Variants in CSTPP1 observed in about 807,000 individuals in gnomAD.
CSTPP1 encodes the protein UPF0705 protein C11orf49.
chr11:47,013,875 T>C, the CSTPP1 span, among the ~76,000 whole-genome samples: 2 of 152,228 alleles, frequency 1.3e-5, no homozygotes, highest in Non-Finnish European at 2.9e-5. Flanking sequence ...AGTGTTCATA[T>C]TTCTTCACAG....
chr11:47,068,959 A>G, the CSTPP1 span, among the ~76,000 whole-genome samples: 2 of 152,166 alleles, frequency 1.3e-5, no homozygotes, highest in Non-Finnish European at 2.9e-5. Flanking sequence ...ATATATATAT[A>G]TATTTGTGGA....
the CSTPP1 span, among the ~76,000 whole-genome samples, chr11:47,107,938 T>C: frequency 1.3e-5 from 2 of 152,254 alleles, no homozygotes; most frequent in Non-Finnish European, 2.9e-5. Context: ...TACTTCTCTG[T>C]GGCCAGGCAA....
At chr11:47,011,926 A>T in the CSTPP1 span, among the ~76,000 whole-genome samples, 2 of 152,178 alleles carry the variant, frequency 1.3e-5, no homozygotes, top group Non-Finnish European at 2.9e-5. Context: ...GACATGTAAT[A>T]AATAAATAAA....
the CSTPP1 span, among the ~76,000 whole-genome samples, chr11:46,977,382 A>G: frequency 1.1e-4 from 17 of 152,342 alleles, no homozygotes; most frequent in Non-Finnish European, 2.5e-4. Context: ...AAATGTTTAG[A>G]ATGACAAAGT....
At chr11:46,964,710 G>A in the CSTPP1 span, among the ~76,000 whole-genome samples, 2 of 152,170 alleles carry the variant, frequency 1.3e-5, no homozygotes, top group Non-Finnish European at 2.9e-5. Context: ...ATTTCATTGA[G>A]CTTTAGGTAG....
chr11:47,019,438 T>C, the CSTPP1 span, among the ~76,000 whole-genome samples: 1 of 152,228 alleles, frequency 6.6e-6, no homozygotes, highest in African/African-American at 2.4e-5. Flanking sequence ...CTAAGCTTAA[T>C]AATTTCTAGC....
the CSTPP1 span, among the ~76,000 whole-genome samples, chr11:46,967,770 T>C: frequency 6.7e-6 from 1 of 150,360 alleles, no homozygotes; most frequent in Admixed American, 6.6e-5. Flanking sequence ...TGGCAAAAAA[T>C]AATCTTAAAA....
the CSTPP1 span, among the ~76,000 whole-genome samples, chr11:47,151,343 G>A: frequency 1.3e-5 from 2 of 151,894 alleles, no homozygotes; most frequent in Admixed American, 1.3e-4. Context: ...AACCTAGGGG[G>A]CGGAGGTTGC....
chr11:46,955,369 GT>G, the CSTPP1 span, among the ~76,000 whole-genome samples: 27 of 137,438 alleles, frequency 2.0e-4, 1 homozygote, highest in South Asian at 5.0e-4. Context: ...TTGTTTTTTT[GT>G]TTTTTTTTTT....
At chr11:47,100,724 A>G in the CSTPP1 span, among the ~76,000 whole-genome samples, 2 of 152,202 alleles carry the variant, frequency 1.3e-5, no homozygotes, top group Non-Finnish European at 2.9e-5. Context: ...CCAGAGGCAG[A>G]TGTTGCAGTG....
At chr11:47,158,232 G>C in the CSTPP1 span, among the ~76,000 whole-genome samples, 4 of 152,266 alleles carry the variant, frequency 2.6e-5, no homozygotes, top group East Asian at 7.7e-4. Context: ...TGCAGGTCGG[G>C]CAGACACAGG....
At chr11:46,986,998 A>G in the CSTPP1 span, among the ~76,000 whole-genome samples, 1 of 152,216 alleles carries the variant, frequency 6.6e-6, no homozygotes, top group African/African-American at 2.4e-5. Context: ...GCAATTGGTC[A>G]TGTTCACATC....
At chr11:47,126,609 G>C in the CSTPP1 span, among the ~76,000 whole-genome samples, 1 of 152,046 alleles carries the variant, frequency 6.6e-6, no homozygotes, top group Non-Finnish European at 1.5e-5. Flanking sequence ...CTCCAGCCTG[G>C]GTAACAGAGC....
At chr11:46,936,832 A>G in the CSTPP1 span, 1 of 1,603,186 alleles carries the variant, frequency 6.2e-7, no homozygotes, top group East Asian at 2.3e-5. Context: ...GCCTAGCCCT[A>G]CCGGACTACG....
At chr11:47,057,190 A>C in the CSTPP1 span, among the ~76,000 whole-genome samples, 1 of 152,220 alleles carries the variant, frequency 6.6e-6, no homozygotes, top group African/African-American at 2.4e-5. Flanking sequence ...AAGTTATATT[A>C]GAATTTTAAA....
chr11:47,151,688 A>T, the CSTPP1 span, among the ~76,000 whole-genome samples: 8 of 151,552 alleles, frequency 5.3e-5, no homozygotes, highest in South Asian at 1.7e-3. Context: ...GCTCGGATCC[A>T]TTTGGCTTTT....
At chr11:47,050,749 G>A in the CSTPP1 span, among the ~76,000 whole-genome samples, 1 of 152,122 alleles carries the variant, frequency 6.6e-6, no homozygotes, top group Admixed American at 6.6e-5. Flanking sequence ...CAGCTCATTT[G>A]CTGTATTTTT....
chr11:46,987,977 A>G, the CSTPP1 span: 1 of 152,268 alleles, frequency 6.6e-6, no homozygotes. Flanking sequence ...AACATCATTG[A>G]TCATCAGAGA....
the CSTPP1 span, among the ~76,000 whole-genome samples, chr11:47,004,887 C>T: frequency 6.6e-6 from 1 of 152,202 alleles, no homozygotes. Context: ...CAGAGCCAAG[C>T]TCCAGCCTCT....
Sources: gnomAD v4.1 joint callset for allele counts (sites outside exome capture counted in the v4.1 genomes callset) on GRCh38, gnomAD v4.1.1 for gene constraint, MANE v1.5 for transcripts, NCBI Gene and HGNC (gene_info 2026-07-23, HGNC 2026-07-21) for gene names.